The following ERICH6B variants were observed in gnomAD, a reference collection of about 807,000 sequenced individuals.
ERICH6B encodes the protein glutamate-rich protein 6B.
Under a neutral mutation model 80.0 loss-of-function variants are expected in ERICH6B, and 69 were observed. That is an observed-to-expected ratio of 0.86 (90% confidence interval 0.71 to 1.05). The LOEUF (loss-of-function observed/expected upper bound fraction) is 1.05. Among genes scored for constraint, ERICH6B ranks in the 50% least tolerant of loss-of-function variants. ERICH6B has a pLI of 0.00. For synonymous variants in ERICH6B, 283 were observed against 291.9 expected (o/e 0.97, Z 0.31); for missense variants, 754 against 796.1 (o/e 0.95, Z 0.64).
At chr13:45,603,203 G>A (rs913042353) in intron 2 of ERICH6B, among the ~76,000 whole-genome samples, 1 of 152,234 alleles carries the variant, frequency 6.6e-6, no homozygotes, top group African/African-American at 2.4e-5. Context: ...TGGGCCCTCA[G>A]TGGCTTGGAC....
At chr13:45,571,753 G>T (rs368877765) in intron 8 of ERICH6B, among the ~76,000 whole-genome samples, 1 of 152,142 alleles carries the variant, frequency 6.6e-6, no homozygotes, top group Non-Finnish European at 1.5e-5. Flanking sequence ...CCTCAGGGTG[G>T]GCTCTAATCC....
chr13:45,586,401 TTA>T (rs1033354638), intron 5 of ERICH6B, among the ~76,000 whole-genome samples: 2 of 152,106 alleles, frequency 1.3e-5, no homozygotes, highest in Admixed American at 1.3e-4. Context: ...AAAGCTGGAT[TTA>T]AATAATTAAT....
In ERICH6B at chr13:45,563,652, A is replaced by G. The variant is rs1028141867; in HGVS notation, c.1249+75T>C. ...AGCCCTTCCACCTTCTTTACAGTAC[A>G]TGCAGAAGGGGAGAGGCGGTGGGAT... is the stretch of plus-strand genomic sequence containing the variant. On this transcript the variant is annotated intron_variant, in intron 10 of 14. Coordinates refer to ENST00000298738, the MANE Select transcript of ERICH6B (RefSeq NM_182542.3). 5.4e-6 allele frequency: 7 copies of G among 1,307,004 alleles called. No individual in the cohort carries two copies. The African/African-American group carries it at 1.0e-4, about 19-fold the overall frequency. The allele number at this position is 1,307,004 out of a possible 1,614,324, so 81.0% of individuals were successfully genotyped here.
intron 11 of ERICH6B, chr13:45,553,112 C>A: frequency 2.8e-6 from 1 of 360,434 alleles, no homozygotes; most frequent in Non-Finnish European, 5.5e-6. Flanking sequence ...TTTATCTGAT[C>A]AGATTCTGGT....
intron 11 of ERICH6B, among the ~76,000 whole-genome samples, chr13:45,550,804 T>C (rs1014495233): frequency 4.6e-5 from 7 of 152,192 alleles, no homozygotes; most frequent in Non-Finnish European, 1.5e-5. Context: ...TATCTTCATG[T>C]GGTGCTCTCT....
At chr13:45,601,888 A>G (rs890337181) in intron 2 of ERICH6B, among the ~76,000 whole-genome samples, 1 of 152,218 alleles carries the variant, frequency 6.6e-6, no homozygotes, top group African/African-American at 2.4e-5. Flanking sequence ...AACAGGACCT[A>G]TCTCCTGGAA....
At chr13:45,581,211 T>C (rs1229352348) in intron 5 of ERICH6B, among the ~76,000 whole-genome samples, 1 of 152,202 alleles carries the variant, frequency 6.6e-6, no homozygotes, top group Non-Finnish European at 1.5e-5. Flanking sequence ...TTAGGACTTT[T>C]GTAAGTTCTT....
At position 45,596,335 on chromosome 13, in the gene ERICH6B, T is replaced by C; in HGVS notation, c.637+34A>G. The C allele has an allele frequency of 2.0e-6, 3 of 1,521,116 alleles. No individual in the cohort carries two copies. The South Asian group carries it at 3.8e-5, about 20-fold the overall frequency. 94.2% of individuals were successfully genotyped at this position (1,521,116 alleles called of 1,614,324 possible). A position where few individuals can be genotyped will look rare whatever the true frequency, so the allele number is the denominator to read the frequency against. On this transcript the variant is annotated intron_variant, in intron 3 of 14. Coordinates refer to ENST00000298738, the MANE Select transcript of ERICH6B (RefSeq NM_182542.3). ...TTCTTTCCCTTTCAGATACTTTTCC[T>C]CCCATAGATGCTCTCCCTCCTCCAG...
intron 14 of ERICH6B, among the ~76,000 whole-genome samples, chr13:45,543,061 T>C (rs954715325): frequency 3.3e-5 from 5 of 152,184 alleles, no homozygotes; most frequent in African/African-American, 1.2e-4. Flanking sequence ...TCTGTCTGTC[T>C]GCCAAGGCAG....
At chr13:45,572,805 A>C (rs1566294108) in intron 8 of ERICH6B, among the ~76,000 whole-genome samples, 1 of 152,232 alleles carries the variant, frequency 6.6e-6, no homozygotes, top group African/African-American at 2.4e-5. Context: ...AGAGAAGACA[A>C]CACCAACTGG....
intron 13 of ERICH6B, among the ~76,000 whole-genome samples, chr13:45,546,801 G>C (rs1874011656): frequency 6.6e-6 from 1 of 152,198 alleles, no homozygotes; most frequent in African/African-American, 2.4e-5. Flanking sequence ...TCATCGGAGT[G>C]AGAAGGTGGC....
At chr13:45,609,607 A>G (rs1421246573) in intron 1 of ERICH6B, among the ~76,000 whole-genome samples, 1 of 152,224 alleles carries the variant, frequency 6.6e-6, no homozygotes, top group Admixed American at 6.5e-5. Context: ...AGTGCCTGGC[A>G]TTTGATAGGA....
At chr13:45,589,593 A>G (rs1329358200) in intron 4 of ERICH6B, among the ~76,000 whole-genome samples, 1 of 152,156 alleles carries the variant, frequency 6.6e-6, no homozygotes, top group Non-Finnish European at 1.5e-5. Flanking sequence ...TGAGGTACCA[A>G]GAGATTAAGT....
At chr13:45,560,284 C>T (rs1874612635) in intron 11 of ERICH6B, among the ~76,000 whole-genome samples, 1 of 152,148 alleles carries the variant, frequency 6.6e-6, no homozygotes, top group African/African-American at 2.4e-5. Context: ...ATAATAGTAT[C>T]AGTCTTTATG....
chr13:45,613,432 T>C (rs1444045320), intron 1 of ERICH6B, among the ~76,000 whole-genome samples: 1 of 152,210 alleles, frequency 6.6e-6, no homozygotes. Flanking sequence ...ATTGTGTCCA[T>C]GAACATGATC....
chr13:45,581,669 G>A (rs1439302560), intron 5 of ERICH6B, among the ~76,000 whole-genome samples: 2 of 152,188 alleles, frequency 1.3e-5, no homozygotes, highest in Non-Finnish European at 2.9e-5. Context: ...GAGCCACTGC[G>A]CCTGGCCCAT....
chr13:45,563,714 G>C lies in ERICH6B; in HGVS notation c.1249+13C>G. On this transcript the variant is annotated intron_variant, in intron 10 of 14. Coordinates refer to ENST00000298738, the MANE Select transcript of ERICH6B (RefSeq NM_182542.3). Reference sequence around the variant, plus strand: ...AGCCAGCACGTGGTGGAAAATGGTGGAGTGGTGCCTACCTTCACGTCTCCT... The same window carrying C: ...AGCCAGCACGTGGTGGAAAATGGTGCAGTGGTGCCTACCTTCACGTCTCCT... 6.4e-7 allele frequency: 1 copy of C among 1,551,576 alleles called. No individual in the cohort carries two copies.
chr13:45,590,461 C>G (rs1384740258), intron 4 of ERICH6B, among the ~76,000 whole-genome samples, 188 bp downstream of exon 4: 2 of 152,030 alleles, frequency 1.3e-5, no homozygotes, highest in African/African-American at 4.8e-5. Context: ...GATCTTGGGA[C>G]CTGCCTCTCC....
intron 5 of ERICH6B, among the ~76,000 whole-genome samples, chr13:45,584,343 C>A (rs1875807387): frequency 6.6e-6 from 1 of 152,196 alleles, no homozygotes; most frequent in Non-Finnish European, 1.5e-5. Context: ...AGACCTGCCA[C>A]CCTCTGGAGT....
Sources: gnomAD v4.1 joint callset for allele counts (sites outside exome capture counted in the v4.1 genomes callset) on GRCh38, gnomAD v4.1.1 for gene constraint, MANE v1.5 for transcripts, NCBI Gene and HGNC (gene_info 2026-07-23, HGNC 2026-07-21) for gene names.